NPNT: variants seen among roughly 807,000 people sequenced by gnomAD.
NPNT encodes the protein preosteoblast EGF-like repeat protein with MAM domain.
Under a neutral mutation model 68.6 loss-of-function variants are expected in NPNT, and 45 were observed. That is an observed-to-expected ratio of 0.66 (90% CI 0.52 to 0.84). The LOEUF (loss-of-function observed/expected upper bound fraction) is 0.84, where lower values mean the gene tolerates loss of function less well. Ranked by LOEUF, NPNT falls within the 40% of genes least tolerant of loss-of-function variation. The pLI, the probability that NPNT is intolerant of heterozygous loss-of-function variation, is 0.00. For missense variants in NPNT, 672 were observed against 714.8 expected, an observed-to-expected ratio of 0.94 and a Z score of 0.68; for synonymous variants, 233 against 253.3, an observed-to-expected ratio of 0.92 and a Z score of 0.76.
chr4:105,914,179 C>T (rs1727600310), intron 2 of NPNT, among the ~76,000 whole-genome samples: 1 of 149,320 alleles, frequency 6.7e-6, no homozygotes, highest in Non-Finnish European at 1.5e-5. Flanking sequence ...ACTTCATGAA[C>T]TCAATGGTAT....
At chr4:105,935,019 A>G (rs1271304738) in intron 3 of NPNT, among the ~76,000 whole-genome samples, 2 of 152,208 alleles carry the variant, frequency 1.3e-5, no homozygotes, top group Non-Finnish European at 2.9e-5. Flanking sequence ...TCAGGGACAT[A>G]GTGTCTGAAG....
At chr4:105,946,771 G>T (rs1730423758) in intron 8 of NPNT, among the ~76,000 whole-genome samples, 1 of 152,188 alleles carries the variant, frequency 6.6e-6, no homozygotes, top group Admixed American at 6.5e-5. Flanking sequence ...TAAGGGTCCA[G>T]CAAAGATCAC....
intron 2 of NPNT, among the ~76,000 whole-genome samples, chr4:105,921,673 A>G (rs1168134050): frequency 6.6e-6 from 1 of 152,170 alleles, no homozygotes; most frequent in Non-Finnish European, 1.5e-5. Flanking sequence ...TGTTCTGCTC[A>G]TGATATGCAA....
At chr4:105,929,553 CT>C (rs1728952978) in intron 3 of NPNT, 1 of 152,136 alleles carries the variant, frequency 6.6e-6, no homozygotes, top group African/African-American at 2.4e-5. Flanking sequence ...CTTGATTTTT[CT>C]TCCCCAGCAT....
chr4:105,933,353 A>G (rs562572595), intron 3 of NPNT, among the ~76,000 whole-genome samples: 3 of 152,370 alleles, frequency 2.0e-5, no homozygotes, highest in Non-Finnish European at 2.9e-5. Flanking sequence ...ATGTGGTAGC[A>G]TAATTTTACA....
chr4:105,948,478 G>C (rs1432094256), intron 8 of NPNT, among the ~76,000 whole-genome samples: 1 of 152,032 alleles, frequency 6.6e-6, no homozygotes, highest in Non-Finnish European at 1.5e-5. Flanking sequence ...TTCTCACTGA[G>C]TAGCTTCAAA....
chr4:105,931,763 G>A (rs1172859398), intron 3 of NPNT, among the ~76,000 whole-genome samples: 1 of 151,860 alleles, frequency 6.6e-6, no homozygotes, highest in African/African-American at 2.4e-5. Flanking sequence ...TGGTGTGAAC[G>A]TGGGAGGCGG....
At chr4:105,914,844 A>G (rs1252930666) in intron 2 of NPNT, among the ~76,000 whole-genome samples, 4 of 152,140 alleles carry the variant, frequency 2.6e-5, no homozygotes, top group Non-Finnish European at 1.5e-5. Flanking sequence ...TCAACCCAGC[A>G]TATGTGGGGT....
chr4:105,904,345 A>T (rs1461353740), intron 2 of NPNT, among the ~76,000 whole-genome samples: 1 of 152,222 alleles, frequency 6.6e-6, no homozygotes, highest in Non-Finnish European at 1.5e-5. Context: ...TCAGTAGAGA[A>T]GATAGTTTAA....
chr4:105,899,888 A>G (rs1726253160), intron 2 of NPNT, among the ~76,000 whole-genome samples: 1 of 152,204 alleles, frequency 6.6e-6, no homozygotes, highest in Non-Finnish European at 1.5e-5. Flanking sequence ...AAGCAGGTAG[A>G]GGAATGTGGG....
rs533786972 is a variant in NPNT at position 105,905,211 on chromosome 4, T to C, written c.172+7210T>C. Among the ~76,000 whole-genome samples the C allele has an allele frequency of 6.6e-5, 10 of 152,330 alleles. No homozygotes were observed. In the South Asian group the frequency reaches 8.3e-4, roughly 13 times the overall value. On this transcript the variant is annotated intron_variant, in intron 2 of 11. Transcript: ENST00000379987. ...AGACATTTTTGTACCAAAATACTTT[T>C]TGTAGTGTCCTTAAAACCATAGGGG...
At chr4:105,950,691 G>A (rs1015145814) in intron 8 of NPNT, among the ~76,000 whole-genome samples, 2 of 152,038 alleles carry the variant, frequency 1.3e-5, no homozygotes, top group East Asian at 1.9e-4. Flanking sequence ...TTCAACCAGC[G>A]GTGAGCTGGA....
intron 2 of NPNT, among the ~76,000 whole-genome samples, chr4:105,925,210 A>G (rs1728595081): frequency 6.6e-6 from 1 of 152,176 alleles, no homozygotes; most frequent in Non-Finnish European, 1.5e-5. Flanking sequence ...ATATGAACAC[A>G]ATTGTTTCCC....
At chr4:105,914,402 A>G (rs976053574) in intron 2 of NPNT, among the ~76,000 whole-genome samples, 6 of 138,030 alleles carry the variant, frequency 4.3e-5, no homozygotes, top group Non-Finnish European at 9.2e-5. Context: ...AAATAATATA[A>G]TATATATTAT....
At position 105,942,485 on chromosome 4, in the gene NPNT, A is replaced by G. The variant is rs765183934; in HGVS notation, c.942A>G (p.Pro314=). 5.6e-5 allele frequency: 90 copies of G among 1,613,874 alleles called. 1 individual carries two copies. In the East Asian group the frequency reaches 2.0e-3, roughly 36 times the overall value. The change falls in exon 8 of 12, where the codon CCA becomes CCG. Residue 314 remains proline, a synonymous_variant. Coordinates refer to ENST00000379987, the MANE Select transcript of NPNT (RefSeq NM_001033047.3). ...PIITNRPTSK[P]TTRPTPKPTP... is the part of the protein sequence containing the mutation. ...TTACCAACAGGCCTACTTCTAAGCC[A>G]ACAACAAGACCTACACCAAAGCCAA... is the stretch of plus-strand genomic sequence containing the variant.
intron 2 of NPNT, among the ~76,000 whole-genome samples, chr4:105,915,961 T>C (rs933732111): frequency 3.9e-5 from 6 of 152,198 alleles, no homozygotes; most frequent in African/African-American, 1.4e-4. Flanking sequence ...AAAATCTGTG[T>C]TCCACATCTG....
At chr4:105,908,694 G>T (rs1453642418) in intron 2 of NPNT, among the ~76,000 whole-genome samples, 2 of 151,800 alleles carry the variant, frequency 1.3e-5, no homozygotes, top group Non-Finnish European at 1.5e-5. Context: ...CTCCCGAGTA[G>T]CTAGGACTAT....
At chr4:105,955,298 G>C (rs1731132961) in intron 8 of NPNT, among the ~76,000 whole-genome samples, 1 of 152,080 alleles carries the variant, frequency 6.6e-6, no homozygotes, top group Non-Finnish European at 1.5e-5. Context: ...TTTGGGCAAG[G>C]CTAGTCATTC....
chr4:105,911,011 G>T (rs891332457), intron 2 of NPNT, among the ~76,000 whole-genome samples: 1 of 151,814 alleles, frequency 6.6e-6, no homozygotes, highest in Non-Finnish European at 1.5e-5. Flanking sequence ...TAAAGAAACG[G>T]TATCCTTTTA....
Sources: gnomAD v4.1 joint callset for allele counts (sites outside exome capture counted in the v4.1 genomes callset) on GRCh38, gnomAD v4.1.1 for gene constraint, MANE v1.5 for transcripts, NCBI Gene and HGNC (gene_info 2026-07-23, HGNC 2026-07-21) for gene names.